CAMTA1: variants seen among roughly 807,000 people sequenced by gnomAD.
CAMTA1 encodes calmodulin binding transcription activator 1.
Under a neutral mutation model 170.9 loss-of-function variants are expected in CAMTA1, and 27 were observed. The observed-to-expected ratio is 0.16, with a 90% CI of 0.12 to 0.22. The LOEUF (loss-of-function observed/expected upper bound fraction) is 0.22, where lower values mean the gene tolerates loss of function less well. Among genes scored for constraint, CAMTA1 ranks in the 10% least tolerant of loss-of-function variants. The probability of loss-of-function intolerance (pLI) is 1.00; values close to 1 mark genes in which losing one functional copy is unlikely to be tolerated. For missense variants in CAMTA1, 1,619 were observed against 2,217.2 expected (o/e 0.73, Z 5.42); for synonymous variants, 833 against 891.5 (o/e 0.93, Z 1.17).
chr1:7,574,719 T>TG (rs1444770021), intron 6 of CAMTA1, among the ~76,000 whole-genome samples: 1 of 152,240 alleles, frequency 6.6e-6, no homozygotes, highest in Admixed American at 6.5e-5. Context: ...TGTGCCTTCC[T>TG]GGGGACAGTC....
At position 7,455,079 on chromosome 1, in the gene CAMTA1, C is replaced by G. The variant is rs535063351; in HGVS notation, c.439-12751C>G. ...GGGCCCTGGGGGCATCCAGGGCCGG[C>G]CTGGCTGGGGCAGCGCATCTGCAGG... On this transcript the variant is annotated intron_variant, in intron 5 of 22. Transcript: ENST00000303635. This position sits in a 1 kb window ranked among gnomAD's most constrained non-coding sequence, Gnocchi z 5.0. Among the ~76,000 whole-genome samples, 2 of 152,284 alleles carry G rather than the reference C, an allele frequency of 1.3e-5. No individual in the cohort carries two copies. Among genetic ancestry groups the G allele is most frequent in the African/African-American group, 2.4e-5 (1 of 41,558 alleles).
In CAMTA1 at chr1:7,063,962, G is replaced by A. The variant is rs1476140965; in HGVS notation, c.235-27342G>A. 1.3e-5 allele frequency among the ~76,000 whole-genome samples: 2 copies of A among 152,204 alleles called. No individual in the cohort carries two copies. Among genetic ancestry groups the A allele is most frequent in the East Asian group, 3.9e-4 (2 of 5,194 alleles). On this transcript the variant is annotated intron_variant, in intron 3 of 22. Coordinates refer to ENST00000303635, the MANE Select transcript of CAMTA1 (RefSeq NM_015215.4). This position sits in a 1 kb window ranked among gnomAD's most constrained non-coding sequence, Gnocchi z 4.3. The stretch of plus-strand genomic sequence containing the variant: ...TTGATTTCTAACAGTTCTGGAGGCT[G>A]GGAAGTCCAAGATTAAGGCACTGGC...
At position 6,991,704 on chromosome 1, in the gene CAMTA1, A is replaced by C. The variant is rs571850755; in HGVS notation, c.235-99600A>C. 1.3e-4 allele frequency among the ~76,000 whole-genome samples: 19 copies of C among 151,950 alleles called. No homozygotes were observed. The South Asian group carries it at 4.0e-3, about 32-fold the overall frequency. On this transcript the variant is annotated intron_variant, in intron 3 of 22. Transcript: ENST00000303635. ...TTTTTATTTATTTGTTTATCCATTCATTCATTTATTTTGAGACAGAGTCTT... is the reference window on the plus strand; with the variant it reads ...TTTTTATTTATTTGTTTATCCATTCCTTCATTTATTTTGAGACAGAGTCTT...
At chr1:7,632,730 G>A (rs911355473) in intron 6 of CAMTA1, among the ~76,000 whole-genome samples, 2 of 152,240 alleles carry the variant, frequency 1.3e-5, no homozygotes, top group Non-Finnish European at 2.9e-5. Flanking sequence ...CCCTGGAAGC[G>A]GCCAGGAAAA....
intron 3 of CAMTA1, among the ~76,000 whole-genome samples, chr1:6,859,741 A>G (rs1421849189): frequency 6.6e-6 from 1 of 152,208 alleles, no homozygotes; most frequent in Non-Finnish European, 1.5e-5. Context: ...GTGAGCTGTG[A>G]TCGTGCGAGT....
chr1:7,141,492 T>C (rs558303815), intron 4 of CAMTA1, among the ~76,000 whole-genome samples: 2 of 152,280 alleles, frequency 1.3e-5, no homozygotes, highest in South Asian at 4.1e-4. Context: ...CCATGGAAGA[T>C]ATTGGATGCT....
intron 5 of CAMTA1, among the ~76,000 whole-genome samples, chr1:7,280,262 G>A (rs1028558552): frequency 7.9e-5 from 12 of 152,288 alleles, no homozygotes; most frequent in Non-Finnish European, 1.5e-4. Context: ...AAGCCCTCTG[G>A]TTTTCTGAAT....
At chr1:6,888,064 G>A in intron 3 of CAMTA1, 1 of 1,070,170 alleles carries the variant, frequency 9.3e-7, no homozygotes, top group Non-Finnish European at 1.1e-6. Flanking sequence ...GCGGTGGTAT[G>A]TTTTCCAGTC....
chr1:7,001,831 A>G lies in CAMTA1; in HGVS notation c.235-89473A>G, dbSNP rs868324893. Among the ~76,000 whole-genome samples, 10 of 151,848 alleles carry G rather than the reference A, an allele frequency of 6.6e-5. No individual in the cohort carries two copies. In the Middle Eastern group the frequency reaches 0.014, roughly 211 times the overall value. ...GACATTATCCTTGATTAATGCAACC[A>G]AGCTAATGCCTTCTGCGTTTGCACT... On this transcript the variant is annotated intron_variant, in intron 3 of 22. Transcript: ENST00000303635.
At chr1:7,670,104 G>A (rs1558096354) in intron 9 of CAMTA1, among the ~76,000 whole-genome samples, 2 of 152,200 alleles carry the variant, frequency 1.3e-5, no homozygotes, top group Non-Finnish European at 2.9e-5. Context: ...TGGAGCTGAG[G>A]AAGGTCATTC....
In CAMTA1 at chr1:7,674,658, A is replaced by G. The variant is rs1355454048; in HGVS notation, c.2780-2941A>G. ...GCTGGGCGTGGTGGCAGGCACCTGT[A>G]AGCTAGTAGGGAGGCTGAGGCAGGA... On this transcript the variant is annotated intron_variant, in intron 10 of 22. Coordinates refer to ENST00000303635, the MANE Select transcript of CAMTA1 (RefSeq NM_015215.4). The surrounding 1 kb of genome is among the most constrained non-coding windows in gnomAD (Gnocchi z 4.1). Among the ~76,000 whole-genome samples the G allele has an allele frequency of 1.3e-5, 2 of 152,000 alleles. No individual in the cohort carries two copies. Among genetic ancestry groups the G allele is most frequent in the Non-Finnish European group, 2.9e-5 (2 of 67,984 alleles).
At position 7,649,354 on chromosome 1, in the gene CAMTA1, C is replaced by T. The variant is rs559778881; in HGVS notation, c.664+8801C>T. On this transcript the variant is annotated intron_variant, in intron 7 of 22. Coordinates refer to ENST00000303635, the MANE Select transcript of CAMTA1 (RefSeq NM_015215.4). Reference sequence around the variant, plus strand: ...GGCCTGGGAGTCATGGGGGAGGCAGCGATAGCGCTGGGGGTTCCTGGAGAG... The same window carrying T: ...GGCCTGGGAGTCATGGGGGAGGCAGTGATAGCGCTGGGGGTTCCTGGAGAG... Among the ~76,000 whole-genome samples the T allele has an allele frequency of 1.8e-4, 27 of 152,302 alleles. 1 individual carries two copies. In the South Asian group the frequency reaches 5.2e-3, roughly 29 times the overall value.
chr1:7,734,246 C>T (rs910802357), intron 12 of CAMTA1, among the ~76,000 whole-genome samples: 1 of 152,128 alleles, frequency 6.6e-6, no homozygotes, highest in Non-Finnish European at 1.5e-5. Context: ...CGTGCCCGGC[C>T]GATAGTACTA....
intron 4 of CAMTA1, among the ~76,000 whole-genome samples, chr1:7,108,734 G>A (rs572235301): frequency 5.2e-4 from 79 of 152,234 alleles, no homozygotes; most frequent in African/African-American, 1.6e-3. Context: ...ATTGACAATC[G>A]TATTAGTTAC....
rs77716187 is a variant in CAMTA1 at position 7,570,475 on chromosome 1, G to T, written c.511-69925G>T. 0.033 allele frequency among the ~76,000 whole-genome samples: 4,992 copies of T among 152,296 alleles called. 261 individuals are homozygous for T. Among genetic ancestry groups the T allele is most frequent in the African/African-American group, 0.11 (4,709 of 41,546 alleles). On this transcript the variant is annotated intron_variant, in intron 6 of 22. Transcript: ENST00000303635. This position sits in a 1 kb window ranked among gnomAD's most constrained non-coding sequence, Gnocchi z 4.3. ...GTGCCAAGGGCTGGCCCAGGATGTCGGCAGTCACCAGCAGGAGTTTGGCTG... is the reference window on the plus strand; with the variant it reads ...GTGCCAAGGGCTGGCCCAGGATGTCTGCAGTCACCAGCAGGAGTTTGGCTG...
Position 7,036,246 on chromosome 1 carries a change from C to G in CAMTA1, c.235-55058C>G, listed in dbSNP as rs576173066. 2.0e-5 allele frequency among the ~76,000 whole-genome samples: 3 copies of G among 152,148 alleles called. No homozygotes were observed. In the South Asian group the frequency reaches 6.2e-4, roughly 32 times the overall value. On this transcript the variant is annotated intron_variant, in intron 3 of 22. Coordinates refer to ENST00000303635, the MANE Select transcript of CAMTA1 (RefSeq NM_015215.4). Reference sequence around the variant, plus strand: ...GGCACGCAGGTTTTTATTAGATTATCCTCTATAGGTTTTGGAAAGCTTGAA... The same window carrying G: ...GGCACGCAGGTTTTTATTAGATTATGCTCTATAGGTTTTGGAAAGCTTGAA...
rs60828868 is a variant in CAMTA1, at chr1:7,576,420, G to A, written c.511-63980G>A. ...GTATTAGGAAGTGGGGATTTGGAGC[G>A]TTGTTTAGGTTATGAGTGAATACAA... On this transcript the variant is annotated intron_variant, in intron 6 of 22. Transcript: ENST00000303635. Among the ~76,000 whole-genome samples, 434 of 152,256 alleles carry A rather than the reference G, an allele frequency of 2.9e-3. 2 individuals carry two copies. The highest frequency in any genetic ancestry group is 9.9e-3 in the African/African-American group (411 of 41,546).
At chr1:6,868,318 TAAAAACAAAACAAAA>T (rs1667325466) in intron 3 of CAMTA1, among the ~76,000 whole-genome samples, 1 of 134,034 alleles carries the variant, frequency 7.5e-6, no homozygotes, top group African/African-American at 2.9e-5. Flanking sequence ...TTTTTTTTTT[TAAAAACAAAACAAAA>T]CAAAACAAAA....
At chr1:7,019,087 C>T (rs985594103) in intron 3 of CAMTA1, among the ~76,000 whole-genome samples, 4 of 152,204 alleles carry the variant, frequency 2.6e-5, no homozygotes, top group Non-Finnish European at 5.9e-5. Context: ...GACAAGGTGG[C>T]CCTGGCCCGG....
Sources: gnomAD v4.1 joint callset for allele counts (sites outside exome capture counted in the v4.1 genomes callset) on GRCh38, gnomAD v4.1.1 for gene constraint, Gnocchi (gnomAD v3.1) non-coding constraint, MANE v1.5 for transcripts, NCBI Gene and HGNC (gene_info 2026-07-23, HGNC 2026-07-21) for gene names.